The following MORC1 variants were observed in gnomAD, a reference collection of about 807,000 sequenced individuals.
MORC1 encodes the protein MORC family CW-type zinc finger 1, also known as MORC family CW-type zinc finger protein 1.
In MORC1, 59 loss-of-function variants were observed where a neutral mutation model predicts 134.9. That is an observed-to-expected ratio of 0.44 (90% CI 0.35 to 0.54). The LOEUF (loss-of-function observed/expected upper bound fraction) is 0.54, where lower values mean the gene tolerates loss of function less well. Ranked by LOEUF, MORC1 falls within the 20% of genes least tolerant of loss-of-function variation. The probability of loss-of-function intolerance (pLI) is 0.00; values close to 1 mark genes in which losing one functional copy is unlikely to be tolerated. For missense variants in MORC1, 947 were observed against 1,134.5 expected (o/e 0.83, Z 2.37); for synonymous variants, 395 against 391.7 (o/e 1.01, Z -0.10).
In MORC1 at chr3:109,035,365, C is replaced by A; in HGVS notation, c.1434G>T (p.Met478Ile). Reference sequence around the variant, plus strand: ...CACATTGTATGATGAATGGGATACCCATGGCTTGTCTTCTTTGATATTGAA... The same window carrying A: ...CACATTGTATGATGAATGGGATACCAATGGCTTGTCTTCTTTGATATTGAA... ...NSFQYQRRQA[M>I]GIPFIIQCDL... is the part of the protein sequence containing the mutation. The change falls in exon 15 of 28, where the codon ATG becomes ATT. Residue 478 changes from methionine (M) to isoleucine (I), a missense_variant. Met to Ile is a conservative substitution (Grantham distance 10). Transcript: ENST00000232603. The A allele has an allele frequency of 6.3e-7, 1 of 1,591,432 alleles. No individual in the cohort carries two copies. The highest frequency in any genetic ancestry group is 1.7e-5 in the Admixed American group (1 of 57,704).
intron 26 of MORC1, among the ~76,000 whole-genome samples, chr3:108,965,568 G>A (rs1163660541): frequency 6.6e-6 from 1 of 152,100 alleles, no homozygotes; most frequent in African/African-American, 2.4e-5. Flanking sequence ...TGAGAATTCT[G>A]CATCCTGATT....
Position 109,099,419 on chromosome 3 carries a change from TC to T in MORC1, c.361del (p.Glu121LysfsTer4), listed in dbSNP as rs954505178. 4 of 1,613,352 alleles carry T rather than the reference TC, an allele frequency of 2.5e-6. No homozygotes were observed. The African/African-American group carries it at 5.3e-5, about 22-fold the overall frequency. The stretch of plus-strand genomic sequence containing the variant: ...AAAAAACACACAGGTCATCGTTTCT[TC>T]CTTCTTCGTAAAAAGAATAAAGTCT... The part of the protein sequence containing the change: ...GKDFILFTKK[E>X]ETMTCVFFSQ... On this transcript the variant is annotated frameshift_variant, in exon 6 of 28. Transcript: ENST00000232603. LOFTEE classifies it high-confidence loss of function.
intron 17 of MORC1, among the ~76,000 whole-genome samples, chr3:109,021,937 G>A (rs902581132): frequency 1.3e-5 from 2 of 152,190 alleles, no homozygotes; most frequent in Non-Finnish European, 2.9e-5. Context: ...TTGTACACTA[G>A]TTAATCATAA....
At chr3:109,016,994 T>C (rs1160425642) in intron 17 of MORC1, among the ~76,000 whole-genome samples, 2 of 152,228 alleles carry the variant, frequency 1.3e-5, no homozygotes, top group Non-Finnish European at 2.9e-5. Context: ...AACCATGAAT[T>C]TACCTCAACC....
At position 108,978,377 on chromosome 3, in the gene MORC1, T is replaced by C. The variant is rs572163433; in HGVS notation, c.2477+1138A>G. 9.2e-5 allele frequency among the ~76,000 whole-genome samples: 14 copies of C among 152,258 alleles called. No individual in the cohort carries two copies. In the South Asian group the frequency reaches 2.3e-3, roughly 25 times the overall value. The stretch of plus-strand genomic sequence containing the variant: ...GGATCCCTAGTGTCAGTAGTGAAAA[T>C]AGATCCCTCTACAAGGTCCTTCCAC... On this transcript the variant is annotated intron_variant, in intron 24 of 27. Transcript: ENST00000232603.
intron 17 of MORC1, among the ~76,000 whole-genome samples, chr3:109,008,133 T>C (rs1284635861): frequency 6.6e-6 from 1 of 152,186 alleles, no homozygotes; most frequent in Non-Finnish European, 1.5e-5. Flanking sequence ...CTGTATTATA[T>C]TCCAGTGTAT....
intron 21 of MORC1, among the ~76,000 whole-genome samples, chr3:108,996,279 C>CGT (rs755053795): frequency 0.24 from 27,049 of 114,320 alleles, 2,856 homozygotes; most frequent in Middle Eastern, 0.33. Flanking sequence ...CGTGCGTGCG[C>CGT]GCGCGCGCAC....
chr3:109,088,741 G>A (rs1226401767), intron 8 of MORC1, among the ~76,000 whole-genome samples: 4 of 152,062 alleles, frequency 2.6e-5, no homozygotes, highest in Non-Finnish European at 4.4e-5. Context: ...AAAGCATTCT[G>A]TCATGAAGAC....
chr3:109,068,457 A>G lies in MORC1; in HGVS notation c.815+1175T>C, dbSNP rs538762181. ...CCACATATCAGTGAGAACATAAGAT[A>G]TTTGATTTTCCATTCCTGAGTTACT... On this transcript the variant is annotated intron_variant, in intron 9 of 27. Transcript: ENST00000232603. Among the ~76,000 whole-genome samples, 35 of 152,304 alleles carry G rather than the reference A, an allele frequency of 2.3e-4. No individual in the cohort carries two copies. The South Asian group carries it at 5.6e-3, about 24-fold the overall frequency.
chr3:109,083,015 G>T (rs1399098854), intron 8 of MORC1, among the ~76,000 whole-genome samples: 1 of 152,062 alleles, frequency 6.6e-6, no homozygotes, highest in Non-Finnish European at 1.5e-5. Context: ...GACAAAGAGA[G>T]AATCCTAAAA....
At position 109,006,348 on chromosome 3, in the gene MORC1, A is replaced by C. The variant is rs923668340; in HGVS notation, c.1767+681T>G. Among the ~76,000 whole-genome samples the C allele has an allele frequency of 6.7e-4, 102 of 152,290 alleles. 2 individuals are homozygous for C. The highest frequency in any genetic ancestry group is 4.1e-4 in the South Asian group (2 of 4,832). On this transcript the variant is annotated intron_variant, in intron 18 of 27. Transcript: ENST00000232603. ...ACTAGCAGAAGGTGCAAATTTAAAA[A>C]ACACAAACACAAACTAAGAAGATAG...
intron 24 of MORC1, among the ~76,000 whole-genome samples, chr3:108,977,116 A>G (rs1947585505): frequency 6.6e-6 from 1 of 152,188 alleles, no homozygotes; most frequent in South Asian, 2.1e-4. Context: ...GGTATATGCT[A>G]TATATGATTA....
chr3:109,049,604 GGATAAATGTAT>G (rs1949774053), intron 14 of MORC1, among the ~76,000 whole-genome samples: 1 of 152,120 alleles, frequency 6.6e-6, no homozygotes, highest in South Asian at 2.1e-4. Flanking sequence ...ACTTTACGAG[GGATAAATGTAT>G]GATTCTACAC....
chr3:109,114,288 G>C, intron 2 of MORC1, 96 bp downstream of exon 2: 10 of 1,114,794 alleles, frequency 9.0e-6, no homozygotes, highest in Non-Finnish European at 1.0e-5. Flanking sequence ...TTCCAGATGG[G>C]AAAATATGAC....
chr3:109,002,633 T>C (rs2895350), intron 20 of MORC1, among the ~76,000 whole-genome samples: 138,578 of 152,024 alleles, frequency 0.91, 64,082 homozygotes, highest in East Asian at 1. Flanking sequence ...AAGGTCCATC[T>C]TTATGCATCA....
At chr3:109,098,909 T>C (rs891426587) in intron 6 of MORC1, among the ~76,000 whole-genome samples, 5 of 152,226 alleles carry the variant, frequency 3.3e-5, no homozygotes, top group African/African-American at 1.2e-4. Flanking sequence ...TGGTAATTAA[T>C]AAAATGCCTC....
intron 8 of MORC1, among the ~76,000 whole-genome samples, chr3:109,089,908 G>A (rs188282782): frequency 4.6e-5 from 7 of 151,830 alleles, no homozygotes; most frequent in East Asian, 3.9e-4. Context: ...CTAAGTTTAC[G>A]GCGACATATA....
At chr3:109,086,343 A>C (rs191846854) in intron 8 of MORC1, among the ~76,000 whole-genome samples, 4 of 152,126 alleles carry the variant, frequency 2.6e-5, no homozygotes. Context: ...ATACCCTGAA[A>C]ATATGTATAT....
chr3:109,113,610 A>T (rs1282487026), intron 2 of MORC1, among the ~76,000 whole-genome samples: 1 of 152,192 alleles, frequency 6.6e-6, no homozygotes, highest in Admixed American at 6.5e-5. Context: ...GGTAGGAAAA[A>T]ATCTTCTGTT....
Sources: gnomAD v4.1 joint callset for allele counts (sites outside exome capture counted in the v4.1 genomes callset) on GRCh38, gnomAD v4.1.1 for gene constraint, MANE v1.5 for transcripts, NCBI Gene and HGNC (gene_info 2026-07-23, HGNC 2026-07-21) for gene names.